SEC14L1: variants seen among roughly 807,000 people sequenced by gnomAD.
The protein encoded by SEC14L1 is SEC14-like protein 1.
SEC14L1 carries 48 observed loss-of-function variants against 85.3 expected under a neutral mutation model. The ratio of observed to expected loss-of-function variants is 0.56; its 90% CI spans 0.45 to 0.72. SEC14L1 has a LOEUF of 0.72. Ranked by LOEUF, SEC14L1 falls within the 30% of genes least tolerant of loss-of-function variation. SEC14L1 has a pLI of 0.00. For missense variants in SEC14L1, 682 were observed against 921.4 expected, an observed-to-expected ratio of 0.74 and a Z score of 3.36; for synonymous variants, 391 against 355.5, an observed-to-expected ratio of 1.10 and a Z score of -1.12.
At chr17:77,131,987 T>C in intron 3 of SEC14L1, among the ~76,000 whole-genome samples, 1 of 152,298 alleles carries the variant, frequency 6.6e-6, no homozygotes, top group South Asian at 2.1e-4. Flanking sequence ...GGCCCGAAGT[T>C]TTCCCAGGTC....
At chr17:77,205,237 A>G (rs762927857) in intron 10 of SEC14L1, 39 bp from the exon 11 acceptor site, 1 of 1,578,386 alleles carries the variant, frequency 6.3e-7, no homozygotes. Flanking sequence ...TTTAGCCTTA[A>G]ACTAATCATG....
chr17:77,097,019 A>G (rs1971664271), intron 3 of SEC14L1, among the ~76,000 whole-genome samples: 1 of 152,190 alleles, frequency 6.6e-6, no homozygotes, highest in South Asian at 2.1e-4. Context: ...AAGCACAGGC[A>G]CTGCACGTGG....
At chr17:77,160,039 G>T (rs994302667) in intron 3 of SEC14L1, among the ~76,000 whole-genome samples, 2 of 152,144 alleles carry the variant, frequency 1.3e-5, no homozygotes, top group African/African-American at 2.4e-5. Flanking sequence ...AGTGCTTCAA[G>T]GTCTATGAAG....
At chr17:77,156,516 AG>A (rs1303195053) in intron 3 of SEC14L1, among the ~76,000 whole-genome samples, 1 of 151,778 alleles carries the variant, frequency 6.6e-6, no homozygotes. Flanking sequence ...CTGAGGTTGC[AG>A]TGAGCTGGGA....
Position 77,202,944 on chromosome 17 carries a change from A to T in SEC14L1, c.1010-626A>T, listed in dbSNP as rs547427605. ...TAAAAAAAATAAAAAAATAAAAAAA[A>T]AAAAAAAACAGAGTAGAGCCAACAC... On this transcript the variant is annotated intron_variant, in intron 9 of 16. Transcript: ENST00000436233. 3.2e-4 allele frequency among the ~76,000 whole-genome samples: 49 copies of T among 151,630 alleles called. No homozygotes were observed. In the Middle Eastern group the frequency reaches 0.01, roughly 32 times the overall value.
At chr17:77,117,119 G>A (rs1020806108) in intron 3 of SEC14L1, among the ~76,000 whole-genome samples, 11 of 152,272 alleles carry the variant, frequency 7.2e-5, no homozygotes, top group Admixed American at 5.9e-4. Context: ...AGGCCGAGGC[G>A]GGTGGATCAC....
At chr17:77,135,877 TTTTC>T (rs1972780887) in intron 3 of SEC14L1, among the ~76,000 whole-genome samples, 1 of 151,616 alleles carries the variant, frequency 6.6e-6, no homozygotes, top group African/African-American at 2.4e-5. Context: ...CTTCTCTTTC[TTTTC>T]TATTTTTTTG....
Position 77,216,653 on chromosome 17 carries a change from C to G in SEC14L1, c.*2630C>G, listed in dbSNP as rs995280081. The G allele has an allele frequency of 6.2e-6, 10 of 1,606,880 alleles. No homozygotes were observed. Among genetic ancestry groups the G allele is most frequent in the South Asian group, 1.1e-5 (1 of 90,806 alleles). On this transcript the variant is annotated 3_prime_UTR_variant, in exon 17 of 17. Coordinates refer to ENST00000436233, the MANE Select transcript of SEC14L1 (RefSeq NM_001143998.2). ...TTGAATTGCAGCCATCCCCTGCCCC[C>G]TCCCAGGCTGAAGATCTGTTCTTTT...
intron 3 of SEC14L1, among the ~76,000 whole-genome samples, chr17:77,102,069 A>G (rs1355739842): frequency 6.6e-6 from 1 of 152,208 alleles, no homozygotes; most frequent in Non-Finnish European, 1.5e-5. Context: ...TAAAAACAAA[A>G]TCCCCCAACC....
intron 3 of SEC14L1, among the ~76,000 whole-genome samples, chr17:77,098,179 T>C (rs56104139): frequency 0.021 from 3,193 of 152,302 alleles, 71 homozygotes; most frequent in Admixed American, 0.053. Context: ...CATTTTTCCC[T>C]CTAATGGTAG....
chr17:77,095,013 G>A (rs1368436130), intron 3 of SEC14L1: 2 of 152,238 alleles, frequency 1.3e-5, no homozygotes, highest in Admixed American at 6.5e-5. Flanking sequence ...CCTGTGTGGT[G>A]TCTTTCCTGT....
At chr17:77,205,222 G>A in intron 10 of SEC14L1, 54 bp from the exon 11 acceptor site, 3 of 1,464,378 alleles carry the variant, frequency 2.0e-6, no homozygotes, top group South Asian at 1.1e-5. Flanking sequence ...GCTGGACGCG[G>A]TAGTTTTAGC....
At chr17:77,127,125 C>T (rs1178208210) in intron 3 of SEC14L1, among the ~76,000 whole-genome samples, 1 of 151,840 alleles carries the variant, frequency 6.6e-6, no homozygotes, top group Non-Finnish European at 1.5e-5. Context: ...TCTTAAGTTC[C>T]CTCCCCTCAC....
Position 77,214,305 on chromosome 17 carries a change from C to G in SEC14L1, c.*282C>G, listed in dbSNP as rs941605362. ...TCTTGAAAGAAAAGTAGTTTCTGTA[C>G]CAATTAAAGGATTGACGTGGTCTCA... On this transcript the variant is annotated 3_prime_UTR_variant, in exon 17 of 17. Transcript: ENST00000436233. 42 of 1,195,234 alleles carry G rather than the reference C, an allele frequency of 3.5e-5. No homozygotes were observed. The highest frequency in any genetic ancestry group is 2.5e-5 in the Non-Finnish European group (24 of 959,980). 74.0% of individuals were successfully genotyped at this position (1,195,234 alleles called of 1,614,324 possible). A position where few individuals can be genotyped will look rare whatever the true frequency, so the allele number is the denominator to read the frequency against.
At chr17:77,094,805 G>T (rs1971600950) in intron 3 of SEC14L1, 1 of 152,132 alleles carries the variant, frequency 6.6e-6, no homozygotes, top group South Asian at 2.1e-4. Flanking sequence ...CACAATTTGG[G>T]CCACTCACAA....
chr17:77,135,044 G>A (rs79594851), intron 3 of SEC14L1, among the ~76,000 whole-genome samples: 7 of 152,300 alleles, frequency 4.6e-5, no homozygotes, highest in Middle Eastern at 3.4e-3. Flanking sequence ...GTGAATTCAT[G>A]TCTAGCAAGG....
chr17:77,174,407 C>T (rs1332713741), intron 3 of SEC14L1, among the ~76,000 whole-genome samples: 3 of 152,146 alleles, frequency 2.0e-5, no homozygotes, highest in South Asian at 4.1e-4. Flanking sequence ...GAGGTGACCA[C>T]GGAACCACAG....
At chr17:77,139,447 C>T (rs1021228676), upstream of SEC14L1, among the ~76,000 whole-genome samples, 14 of 151,568 alleles carry the variant, frequency 9.2e-5, no homozygotes, top group African/African-American at 3.4e-4. Flanking sequence ...GTTGGGATTA[C>T]AGGCGTGAGC....
In SEC14L1 at chr17:77,200,340, T is replaced by C; in HGVS notation, c.820-144T>C. The C allele has an allele frequency of 6.6e-6, 4 of 605,656 alleles. No individual in the cohort carries two copies. The South Asian group carries it at 8.8e-5, about 13-fold the overall frequency. The allele number at this position is 605,656 out of a possible 1,614,324, so 37.5% of individuals were successfully genotyped here. On this transcript the variant is annotated intron_variant, in intron 8 of 16. Coordinates refer to ENST00000436233, the MANE Select transcript of SEC14L1 (RefSeq NM_001143998.2). ...TGCACCACCATGCCTGGCTGATTTT[T>C]GTATTTTTAGTAGAGATGGCATTTC... is the stretch of plus-strand genomic sequence containing the variant.
Sources: gnomAD v4.1 joint callset for allele counts (sites outside exome capture counted in the v4.1 genomes callset) on GRCh38, gnomAD v4.1.1 for gene constraint, MANE v1.5 for transcripts, NCBI Gene and HGNC (gene_info 2026-07-23, HGNC 2026-07-21) for gene names.